CD74: variants seen among roughly 807,000 people sequenced by gnomAD.
CD74 encodes the protein CD74 molecule.
CD74 carries 20 observed loss-of-function variants against 37.1 expected under a neutral mutation model. The observed-to-expected ratio is 0.54, with a 90% CI of 0.38 to 0.78. The LOEUF (loss-of-function observed/expected upper bound fraction) is 0.78. Among genes scored for constraint, CD74 ranks in the 30% least tolerant of loss-of-function variants. CD74 has a pLI of 0.00. For synonymous variants in CD74, 150 were observed against 152.0 expected, an observed-to-expected ratio of 0.99 and a Z score of 0.10; for missense variants, 338 against 389.5, an observed-to-expected ratio of 0.87 and a Z score of 1.11.
rs2151166505 is a variant in CD74 at position 150,402,392 on chromosome 5, A to C, written c.881-142T>G. On this transcript the variant is annotated intron_variant, in intron 8 of 8. Coordinates refer to ENST00000009530, the MANE Select transcript of CD74 (RefSeq NM_001025159.3). The surrounding 1 kb of genome is among the most constrained non-coding windows in gnomAD (Gnocchi z 4.2). ...TCAGGTCCAATAATGACCATCATGG[A>C]TTTGTGTAACTCCCCACAGCCCCCC... 1.1e-6 allele frequency: 1 copy of C among 882,614 alleles called. No homozygotes were observed. Among genetic ancestry groups the C allele is most frequent in the South Asian group, 1.4e-5 (1 of 69,442 alleles). The allele number at this position is 882,614 out of a possible 1,614,324, so 54.7% of individuals were successfully genotyped here. A position where few individuals can be genotyped will look rare whatever the true frequency, so the allele number is the denominator to read the frequency against.
chr5:150,402,003 TC>T lies in CD74; in HGVS notation c.*236del, dbSNP rs1769642762. On this transcript the variant is annotated 3_prime_UTR_variant, in exon 9 of 9. Coordinates refer to ENST00000009530, the MANE Select transcript of CD74 (RefSeq NM_001025159.3). This position sits in a 1 kb window ranked among gnomAD's most constrained non-coding sequence, Gnocchi z 4.2. ...GGGATCTGTCTAGCTTTTGGCCACT[TC>T]CTGGGACCTCACGCCCCTGTTGACA... The T allele has an allele frequency of 2.0e-6, 3 of 1,520,430 alleles. No individual in the cohort carries two copies. Among genetic ancestry groups the T allele is most frequent in the Non-Finnish European group, 2.6e-6 (3 of 1,132,228 alleles). The allele number at this position is 1,520,430 out of a possible 1,614,324, so 94.2% of individuals were successfully genotyped here. A position where few individuals can be genotyped will look rare whatever the true frequency, so the allele number is the denominator to read the frequency against.
At chr5:150,404,950 A>G in intron 5 of CD74, 135 bp downstream of exon 5, 3 of 911,890 alleles carry the variant, frequency 3.3e-6, no homozygotes, top group Admixed American at 4.8e-5. Flanking sequence ...TGCAGCATCC[A>G]GGTTTTGGAA....
At chr5:150,405,028 G>C in intron 5 of CD74, 57 bp downstream of exon 5, 1 of 1,259,718 alleles carries the variant, frequency 7.9e-7, no homozygotes, top group South Asian at 1.2e-5. Flanking sequence ...ACCTCTCCTA[G>C]CCCTGCCCTA....
chr5:150,412,394 G>A (rs1770395705), intron 1 of CD74, among the ~76,000 whole-genome samples: 1 of 152,246 alleles, frequency 6.6e-6, no homozygotes, highest in Non-Finnish European at 1.5e-5. Context: ...GCGGTGTGAT[G>A]CAAGGAAAGT....
At chr5:150,412,287 C>T (rs1328681574) in intron 1 of CD74, among the ~76,000 whole-genome samples, 1 of 152,226 alleles carries the variant, frequency 6.6e-6, no homozygotes, top group East Asian at 1.9e-4. Flanking sequence ...TTTAACCTAG[C>T]ATTCACAGCC....
Position 150,407,369 on chromosome 5 carries a change from T to TG in CD74, c.126-46dup, listed in dbSNP as rs1442028052. On this transcript the variant is annotated intron_variant, in intron 1 of 8. Transcript: ENST00000009530. This position sits in a 1 kb window ranked among gnomAD's most constrained non-coding sequence, Gnocchi z 4.4. ...TAGGTCAGAGGAGGATCCACAGTGG[T>TG]GGCTGCCCCAAGGGCTGGCTAGGAA... 6.5e-7 allele frequency: 1 copy of TG among 1,534,830 alleles called. No individual in the cohort carries two copies. Among genetic ancestry groups the TG allele is most frequent in the Admixed American group, 1.9e-5 (1 of 52,446 alleles).
Position 150,407,029 on chromosome 5 carries a change from G to A in CD74, c.299-69C>T, listed in dbSNP as rs1326323184. 16 of 1,529,588 alleles carry A rather than the reference G, an allele frequency of 1.0e-5. No homozygotes were observed. The highest frequency in any genetic ancestry group is 1.4e-5 in the Non-Finnish European group (16 of 1,118,866). 94.8% of individuals were successfully genotyped at this position (1,529,588 alleles called of 1,614,324 possible). ...GGAGGAGGGTATCAGACCCAGATGA[G>A]GAAGGGCTGGAATTCCAAACCGGAG... On this transcript the variant is annotated intron_variant, in intron 2 of 8. Transcript: ENST00000009530. The surrounding 1 kb of genome is among the most constrained non-coding windows in gnomAD (Gnocchi z 4.4).
intron 3 of CD74, 99 bp from the exon 4 acceptor site, chr5:150,406,420 C>T (rs918845924): frequency 2.2e-6 from 2 of 905,788 alleles, no homozygotes; most frequent in East Asian, 4.8e-5. Flanking sequence ...AGACTGGAAT[C>T]GCAGGCACTT....
rs192080546 is a variant in CD74, at chr5:150,406,472, C to T, written c.379-151G>A. ...TCTGCCACCTCCAAACATGAGAGCT[C>T]GAGCAAGTCACTTTAGCTTCCTGCC... On this transcript the variant is annotated intron_variant, in intron 3 of 8. Transcript: ENST00000009530. 1.1e-4 allele frequency: 77 copies of T among 691,232 alleles called. No individual in the cohort carries two copies. The East Asian group carries it at 1.9e-3, about 17-fold the overall frequency. 42.8% of individuals were successfully genotyped at this position (691,232 alleles called of 1,614,324 possible).
chr5:150,410,024 A>C (rs1298336794), intron 1 of CD74, among the ~76,000 whole-genome samples: 1 of 129,640 alleles, frequency 7.7e-6, no homozygotes, highest in African/African-American at 2.9e-5. Flanking sequence ...GCCCAGCCCA[A>C]GGGAGAGTTA....
chr5:150,404,442 C>T (rs752449559), intron 6 of CD74: 2 of 527,702 alleles, frequency 3.8e-6, no homozygotes, highest in Admixed American at 3.1e-5. Context: ...TGGTGACAGG[C>T]CTCTGTGGGC....
At chr5:150,405,042 A>C in intron 5 of CD74, 43 bp downstream of exon 5, 1 of 1,545,032 alleles carries the variant, frequency 6.5e-7, no homozygotes, top group South Asian at 1.1e-5. Context: ...TGCCCTAGAC[A>C]CCAGAGGAAA....
rs2151166122 is a variant in CD74, at chr5:150,402,297, T to G, written c.881-47A>C. The G allele has an allele frequency of 7.1e-7, 1 of 1,401,986 alleles. No individual in the cohort carries two copies. Among genetic ancestry groups the G allele is most frequent in the Non-Finnish European group, 1.0e-6 (1 of 999,502 alleles). The allele number at this position is 1,401,986 out of a possible 1,614,324, so 86.8% of individuals were successfully genotyped here. ...TGAGGTTGGGGTCACCCATTTGTTG[T>G]CCCTGCCCCTTTCTAACATCCTGGA... On this transcript the variant is annotated intron_variant, in intron 8 of 8. Coordinates refer to ENST00000009530, the MANE Select transcript of CD74 (RefSeq NM_001025159.3). This position sits in a 1 kb window ranked among gnomAD's most constrained non-coding sequence, Gnocchi z 4.2.
intron 3 of CD74, chr5:150,406,593 A>G: frequency 1.7e-6 from 1 of 590,356 alleles, no homozygotes; most frequent in South Asian, 2.0e-5. Context: ...AATGCATGAT[A>G]GCAAGGTCTT....
In CD74 at chr5:150,407,120, TG is replaced by T. The variant is rs754664980; in HGVS notation, c.298+31del. On this transcript the variant is annotated intron_variant, in intron 2 of 8. Transcript: ENST00000009530. The surrounding 1 kb of genome is among the most constrained non-coding windows in gnomAD (Gnocchi z 4.4). ...CTCTGAGTTGAGGGATGGTGGGAGG[TG>T]GGGGGTATCAGGATGTAGGGGTGCA... 3.1e-6 allele frequency: 5 copies of T among 1,593,608 alleles called. No homozygotes were observed. The highest frequency in any genetic ancestry group is 2.7e-5 in the African/African-American group (2 of 73,818).
At chr5:150,411,479 C>T (rs1362522377) in intron 1 of CD74, among the ~76,000 whole-genome samples, 4 of 152,244 alleles carry the variant, frequency 2.6e-5, no homozygotes, top group Non-Finnish European at 5.9e-5. Flanking sequence ...CCCCTTTCTG[C>T]CTGGCAACAG....
chr5:150,406,579 T>C, intron 3 of CD74: 1 of 590,378 alleles, frequency 1.7e-6, no homozygotes, highest in South Asian at 2.0e-5. Context: ...ATATAAATAT[T>C]GTCAATGCAT....
Position 150,412,863 on chromosome 5 carries a change from G to C in CD74, c.-114C>G. Reference sequence around the variant, plus strand: ...TAGATGTGGAAGTGAAAGCTACAAAGGCTGGAAATACCCCACTTTGGTGAA... The same window carrying C: ...TAGATGTGGAAGTGAAAGCTACAAACGCTGGAAATACCCCACTTTGGTGAA... On this transcript the variant is annotated 5_prime_UTR_variant, in exon 1 of 9. Coordinates refer to ENST00000009530, the MANE Select transcript of CD74 (RefSeq NM_001025159.3). 1 of 1,551,288 alleles carries C rather than the reference G, an allele frequency of 6.4e-7. No individual in the cohort carries two copies. The highest frequency in any genetic ancestry group is 2.3e-5 in the East Asian group (1 of 44,148).
At chr5:150,405,614 T>C (rs566731046) in intron 4 of CD74, 1 of 181,496 alleles carries the variant, frequency 5.5e-6, no homozygotes, top group East Asian at 1.8e-4. Context: ...GGGATCCCCA[T>C]GGCTTCAGGA....
Sources: gnomAD v4.1 joint callset for allele counts (sites outside exome capture counted in the v4.1 genomes callset) on GRCh38, gnomAD v4.1.1 for gene constraint, Gnocchi (gnomAD v3.1) non-coding constraint, MANE v1.5 for transcripts, NCBI Gene and HGNC (gene_info 2026-07-23, HGNC 2026-07-21) for gene names.